The following VPS28 variants were observed in gnomAD, a reference collection of about 807,000 sequenced individuals.
VPS28 encodes the protein vacuolar protein sorting-associated protein 28 homolog.
Under a neutral mutation model 33.7 loss-of-function variants are expected in VPS28, and 29 were observed. The observed-to-expected ratio is 0.86, with a 90% CI of 0.64 to 1.17. The LOEUF (loss-of-function observed/expected upper bound fraction) is 1.17. Ranked by LOEUF, VPS28 falls within the 50% of genes most tolerant of loss-of-function variation. The pLI is 0.00. For missense variants in VPS28, 247 were observed against 312.2 expected, an observed-to-expected ratio of 0.79 and a Z score of 1.57; for synonymous variants, 164 against 116.7, an observed-to-expected ratio of 1.40 and a Z score of -2.61.
chr8:144,425,081 TGGGACCA>T, intron 5 of VPS28, 30 bp from the exon 6 acceptor site: 1 of 1,541,902 alleles, frequency 6.5e-7, no homozygotes, highest in Non-Finnish European at 8.8e-7. Context: ...TGCCCAAGCA[TGGGACCA>T]GCCCCACCCA....
At chr8:144,426,126 C>A (rs781885581) in intron 3 of VPS28, 54 bp downstream of exon 3, 25 of 1,582,020 alleles carry the variant, frequency 1.6e-5, no homozygotes, top group Non-Finnish European at 2.1e-5. Context: ...CTGGTGAGGC[C>A]ACACAGGCAT....
chr8:144,423,988 C>T, intron 9 of VPS28, 53 bp downstream of exon 9: 2 of 1,608,778 alleles, frequency 1.2e-6, no homozygotes, highest in Non-Finnish European at 1.7e-6. Flanking sequence ...CTCCGCCTGG[C>T]TGGGAGGGTC....
chr8:144,426,868 C>A (rs1554876918), intron 2 of VPS28, 41 bp downstream of exon 2: 1 of 1,610,568 alleles, frequency 6.2e-7, no homozygotes, highest in African/African-American at 1.3e-5. Context: ...TCAGCCCCTG[C>A]AGAAGCGGCT....
At position 144,424,032 on chromosome 8, in the gene VPS28, G is replaced by A. The variant is rs782096802; in HGVS notation, c.548+9C>T. ...TGCGGGGCTCTGCCTGGCTGGGAGGGACACCCACCACTGGCTGACCGTCTG... is the reference window on the plus strand; with the variant it reads ...TGCGGGGCTCTGCCTGGCTGGGAGGAACACCCACCACTGGCTGACCGTCTG... On this transcript the variant is annotated intron_variant, in intron 9 of 9. Coordinates refer to ENST00000292510, the MANE Select transcript of VPS28 (RefSeq NM_016208.4). 8.8e-6 allele frequency: 14 copies of A among 1,591,190 alleles called. No homozygotes were observed. The Admixed American group carries it at 2.0e-4, about 23-fold the overall frequency.
intron 1 of VPS28, 197 bp from the exon 2 acceptor site, chr8:144,427,176 G>GT: frequency 2.5e-6 from 1 of 407,924 alleles, no homozygotes; most frequent in Non-Finnish European, 4.6e-6. Context: ...GCATACGGTT[G>GT]TAATCCCAGC....
At chr8:144,424,651 G>A (rs781934150) in intron 7 of VPS28, 67 bp downstream of exon 7, 54 of 1,539,460 alleles carry the variant, frequency 3.5e-5, no homozygotes, top group Non-Finnish European at 4.0e-5. Context: ...AGGACCCTAC[G>A]CTCGTGCCCA....
rs1822712940 is a variant in VPS28, at chr8:144,426,021, C to CT, written c.104+4dup. The CT allele has an allele frequency of 6.6e-7, 1 of 1,516,840 alleles. No individual in the cohort carries two copies. Among genetic ancestry groups the CT allele is most frequent in the Non-Finnish European group, 8.9e-7 (1 of 1,124,428 alleles). 94.0% of individuals were successfully genotyped at this position (1,516,840 alleles called of 1,614,324 possible). A position where few individuals can be genotyped will look rare whatever the true frequency, so the allele number is the denominator to read the frequency against. ...TGTTGGGACAGCCTGGGCGCCTGGACTTACTTCTCCCTCTCCCGGGCGTTC... is the reference window on the plus strand; with the variant it reads ...TGTTGGGACAGCCTGGGCGCCTGGACTTTACTTCTCCCTCTCCCGGGCGTTC... On this transcript the variant is annotated splice_donor_region_variant and intron_variant, in intron 4 of 9. Transcript: ENST00000292510.
intron 2 of VPS28, chr8:144,426,431 G>C: frequency 1.8e-6 from 1 of 541,540 alleles, no homozygotes; most frequent in East Asian, 3.4e-5. Context: ...GACAGGCCCA[G>C]CTCCCCAGCT....
At chr8:144,427,001 G>A (rs1195600471) in intron 1 of VPS28, 22 bp from the exon 2 acceptor site, 25 of 1,588,488 alleles carry the variant, frequency 1.6e-5, no homozygotes, top group African/African-American at 4.1e-5. Flanking sequence ...AGCCAGGGCC[G>A]ACTCAAAGAT....
rs376242912 is a variant in VPS28, at chr8:144,423,801, G to C, written c.*4C>G. 6.2e-7 allele frequency: 1 copy of C among 1,613,124 alleles called. No individual in the cohort carries two copies. The highest frequency in any genetic ancestry group is 1.3e-5 in the African/African-American group (1 of 75,074). On this transcript the variant is annotated 3_prime_UTR_variant, in exon 10 of 10. Coordinates refer to ENST00000292510, the MANE Select transcript of VPS28 (RefSeq NM_016208.4). ...CCTTCTGTGCAAGGGCTAGTGCCCC[G>C]GGCTCAGGCATGCAGGAAGCGGTTG... is the stretch of plus-strand genomic sequence containing the variant.
rs374698280 is a variant in VPS28 at position 144,423,790 on chromosome 8, G to A, written c.*15C>T. 3 of 1,612,986 alleles carry A rather than the reference G, an allele frequency of 1.9e-6. No individual in the cohort carries two copies. Among genetic ancestry groups the A allele is most frequent in the Non-Finnish European group, 2.5e-6 (3 of 1,180,030 alleles). On this transcript the variant is annotated 3_prime_UTR_variant, in exon 10 of 10. Coordinates refer to ENST00000292510, the MANE Select transcript of VPS28 (RefSeq NM_016208.4). ...TCAGACTCTGCCCTTCTGTGCAAGG[G>A]CTAGTGCCCCGGGCTCAGGCATGCA...
rs782028836 is a variant in VPS28, at chr8:144,423,793, A to C, written c.*12T>G. 2 of 1,613,098 alleles carry C rather than the reference A, an allele frequency of 1.2e-6. No homozygotes were observed. The highest frequency in any genetic ancestry group is 2.2e-5 in the South Asian group (2 of 91,084). On this transcript the variant is annotated 3_prime_UTR_variant, in exon 10 of 10. Transcript: ENST00000292510. ...GACTCTGCCCTTCTGTGCAAGGGCT[A>C]GTGCCCCGGGCTCAGGCATGCAGGA...
intron 5 of VPS28, 135 bp downstream of exon 5, chr8:144,425,548 G>A (rs1439312751): frequency 2.2e-6 from 2 of 918,304 alleles, no homozygotes; most frequent in African/African-American, 3.3e-5. Context: ...CTGAGACCCA[G>A]GGGCACCCTC....
At position 144,426,013 on chromosome 8, in the gene VPS28, C is replaced by A. The variant is rs782185383; in HGVS notation, c.104+13G>T. On this transcript the variant is annotated intron_variant, in intron 4 of 9. Transcript: ENST00000292510. ...CATGGGTGTGTTGGGACAGCCTGGG[C>A]GCCTGGACTTACTTCTCCCTCTCCC... 6.6e-7 allele frequency: 1 copy of A among 1,507,386 alleles called. No homozygotes were observed. The highest frequency in any genetic ancestry group is 2.0e-4 in the Middle Eastern group (1 of 5,086). 93.4% of individuals were successfully genotyped at this position (1,507,386 alleles called of 1,614,324 possible).
intron 5 of VPS28, 130 bp from the exon 6 acceptor site, chr8:144,425,181 G>A (rs1822648525): frequency 5.2e-6 from 4 of 769,630 alleles, no homozygotes; most frequent in East Asian, 2.7e-5. Flanking sequence ...GGCCGAGCAA[G>A]GAGGAGGGGC....
intron 2 of VPS28, 27 bp downstream of exon 2, chr8:144,426,882 A>G: frequency 6.2e-7 from 1 of 1,611,950 alleles, no homozygotes; most frequent in Non-Finnish European, 8.5e-7. Context: ...AGCGGCTGAA[A>G]GCCTGCGCCC....
intron 7 of VPS28, 177 bp from the exon 8 acceptor site, chr8:144,424,445 T>C (rs1423153381): frequency 8.7e-6 from 8 of 917,972 alleles, no homozygotes; most frequent in Non-Finnish European, 1.3e-5. Context: ...GACAGCTGTG[T>C]GGGAACTGAA....
intron 7 of VPS28, 65 bp from the exon 8 acceptor site, chr8:144,424,333 G>A: frequency 6.6e-7 from 1 of 1,523,636 alleles, no homozygotes; most frequent in Non-Finnish European, 8.8e-7. Flanking sequence ...CGGCTCACGG[G>A]CCCCAACCCC....
chr8:144,423,694 G>A lies in VPS28; in HGVS notation c.*111C>T. ...GACACCAAAGACAGACACCAGACAG[G>A]CAGCTGCAGACAGTGAGTTGTGTGG... On this transcript the variant is annotated 3_prime_UTR_variant, in exon 10 of 10. Coordinates refer to ENST00000292510, the MANE Select transcript of VPS28 (RefSeq NM_016208.4). The A allele has an allele frequency of 7.3e-7, 1 of 1,373,792 alleles. No individual in the cohort carries two copies. Among genetic ancestry groups the A allele is most frequent in the East Asian group, 2.4e-5 (1 of 41,114 alleles). The allele number at this position is 1,373,792 out of a possible 1,614,324, so 85.1% of individuals were successfully genotyped here. A position where few individuals can be genotyped will look rare whatever the true frequency, so the allele number is the denominator to read the frequency against.
Sources: allele counts gnomAD v4.1 joint callset, GRCh38; gene constraint gnomAD v4.1.1; transcripts MANE v1.5; gene names NCBI Gene and HGNC (gene_info 2026-07-23, HGNC 2026-07-21).